The following INPP4B variants were observed in gnomAD, a reference collection of about 807,000 sequenced individuals.
INPP4B encodes the protein inositol polyphosphate 4-phosphatase type II.
Under a neutral mutation model 122.5 loss-of-function variants are expected in INPP4B, and 55 were observed. The observed-to-expected ratio is 0.45, with a 90% CI of 0.36 to 0.56. INPP4B has a LOEUF of 0.56. INPP4B is among the 20% of genes least tolerant of loss of function. The probability of loss-of-function intolerance (pLI) is 0.00; values close to 1 mark genes in which losing one functional copy is unlikely to be tolerated. For missense variants in INPP4B, 1,000 were observed against 1,097.7 expected (o/e 0.91, Z 1.26); for synonymous variants, 403 against 388.7 (o/e 1.04, Z -0.43).
chr4:142,398,401 A>AAAAAAAAT (rs1800278058), intron 7 of INPP4B, among the ~76,000 whole-genome samples: 1 of 28,498 alleles, frequency 3.5e-5, no homozygotes, highest in Non-Finnish European at 6.4e-5. Context: ...AAAAAAAAAA[A>AAAAAAAAT]ATATATATAT....
intron 2 of INPP4B, among the ~76,000 whole-genome samples, chr4:142,683,437 G>A (rs1758916619): frequency 6.6e-6 from 1 of 151,820 alleles, no homozygotes; most frequent in Non-Finnish European, 1.5e-5. Flanking sequence ...GGAAACAGAT[G>A]CAGCACAGAG....
intron 25 of INPP4B, among the ~76,000 whole-genome samples, chr4:142,045,259 T>C (rs538007795): frequency 6.6e-6 from 1 of 152,260 alleles, no homozygotes; most frequent in East Asian, 1.9e-4. Flanking sequence ...AATGAACATA[T>C]ACACAAACAA....
chr4:142,665,591 T>C (rs574417327), intron 2 of INPP4B, among the ~76,000 whole-genome samples: 21 of 151,894 alleles, frequency 1.4e-4, no homozygotes, highest in Non-Finnish European at 2.1e-4. Flanking sequence ...TACAAGGTCA[T>C]TCACTGCAGT....
rs374104385 is a variant in INPP4B at position 142,052,117 on chromosome 4, TA to T, written c.2643-23204del. Among the ~76,000 whole-genome samples, 29 of 152,102 alleles carry T rather than the reference TA, an allele frequency of 1.9e-4. No individual in the cohort carries two copies. The East Asian group carries it at 4.5e-3, about 23-fold the overall frequency. On this transcript the variant is annotated intron_variant, in intron 25 of 25. Coordinates refer to ENST00000262992, the MANE Select transcript of INPP4B (RefSeq NM_001101669.3). ...CACTCAGGTCTTTTTTGATCAAGAA[TA>T]AACTATTTTTATCAGACTACCATTA... is the stretch of plus-strand genomic sequence containing the variant.
intron 10 of INPP4B, among the ~76,000 whole-genome samples, chr4:142,265,195 T>G (rs1158731875): frequency 6.6e-6 from 1 of 152,222 alleles, no homozygotes; most frequent in Non-Finnish European, 1.5e-5. Context: ...GTTTATGGTA[T>G]TTTGTCATGA....
At chr4:142,725,922 G>A (rs1421864181) in intron 1 of INPP4B, 21 bp from the exon 2 acceptor site, 11 of 397,608 alleles carry the variant, frequency 2.8e-5, no homozygotes, top group Non-Finnish European at 4.4e-6. Context: ...AGAGAAAGAA[G>A]ATTAATAAAA....
At chr4:142,782,297 A>G (rs1337540520) in intron 1 of INPP4B, among the ~76,000 whole-genome samples, 1 of 150,734 alleles carries the variant, frequency 6.6e-6, no homozygotes, top group Non-Finnish European at 1.5e-5. Flanking sequence ...CCATGTCCCT[A>G]CAAAGGACAT....
intron 2 of INPP4B, among the ~76,000 whole-genome samples, chr4:142,605,961 C>T (rs1741156981): frequency 6.6e-6 from 1 of 152,020 alleles, no homozygotes; most frequent in Admixed American, 6.6e-5. Context: ...TATTGCAGTA[C>T]TATTCAGAAT....
chr4:142,321,220 T>C (rs1769871271), intron 7 of INPP4B, among the ~76,000 whole-genome samples: 1 of 152,216 alleles, frequency 6.6e-6, no homozygotes, highest in South Asian at 2.1e-4. Context: ...TGATAATTAG[T>C]GATGTTGAGC....
At chr4:142,619,375 G>A (rs967171185) in intron 2 of INPP4B, among the ~76,000 whole-genome samples, 1 of 151,878 alleles carries the variant, frequency 6.6e-6, no homozygotes, top group African/African-American at 2.4e-5. Context: ...AGAAAATATG[G>A]TATATACATA....
intron 1 of INPP4B, among the ~76,000 whole-genome samples, chr4:142,774,458 C>T (rs1341329635): frequency 1.3e-5 from 2 of 150,280 alleles, no homozygotes; most frequent in African/African-American, 2.4e-5. Context: ...AAATCTGCTC[C>T]CATGGAACTT....
chr4:142,465,517 T>C (rs114218642), intron 2 of INPP4B, among the ~76,000 whole-genome samples: 3,995 of 152,342 alleles, frequency 0.026, 207 homozygotes, highest in African/African-American at 0.091. Flanking sequence ...TTGAACATTA[T>C]TGTTTAGAAT....
At chr4:142,331,149 G>T (rs1774323239) in intron 7 of INPP4B, among the ~76,000 whole-genome samples, 1 of 152,170 alleles carries the variant, frequency 6.6e-6, no homozygotes, top group Non-Finnish European at 1.5e-5. Flanking sequence ...AAGAAGAGTG[G>T]TGTGCAGATA....
chr4:142,039,825 G>A (rs1214365695), intron 25 of INPP4B, among the ~76,000 whole-genome samples: 1 of 151,996 alleles, frequency 6.6e-6, no homozygotes, highest in Non-Finnish European at 1.5e-5. Context: ...GCTAATATGT[G>A]ATATGATCAC....
chr4:142,065,335 T>C (rs1762977860), intron 25 of INPP4B, among the ~76,000 whole-genome samples: 1 of 152,102 alleles, frequency 6.6e-6, no homozygotes, highest in Admixed American at 6.6e-5. Context: ...GGCCCTGAGC[T>C]TTTTAGTAGT....
intron 2 of INPP4B, among the ~76,000 whole-genome samples, chr4:142,651,282 A>T (rs532589761): frequency 6.6e-6 from 1 of 152,216 alleles, no homozygotes; most frequent in African/African-American, 2.4e-5. Flanking sequence ...AAGATCTAAA[A>T]TTGACAGCTA....
Position 142,811,696 on chromosome 4 carries a change from A to G in INPP4B, c.-254+34513T>C, listed in dbSNP as rs116383263. Among the ~76,000 whole-genome samples the G allele has an allele frequency of 8.2e-3, 1,243 of 152,236 alleles. 19 individuals carry two copies. Among genetic ancestry groups the G allele is most frequent in the African/African-American group, 0.029 (1,202 of 41,546 alleles). On this transcript the variant is annotated intron_variant, in intron 1 of 25. Coordinates refer to ENST00000262992, the MANE Select transcript of INPP4B (RefSeq NM_001101669.3). ...AGTTAGATTAGAAAATAAAATAATTATGTTTAAAATTTTGCGTGTACATTG... is the reference window on the plus strand; with the variant it reads ...AGTTAGATTAGAAAATAAAATAATTGTGTTTAAAATTTTGCGTGTACATTG...
chr4:142,337,266 G>A (rs1776971406), intron 7 of INPP4B, among the ~76,000 whole-genome samples: 1 of 151,958 alleles, frequency 6.6e-6, no homozygotes, highest in Non-Finnish European at 1.5e-5. Flanking sequence ...GTGAACTGCT[G>A]CTATGAAATT....
At chr4:142,097,436 T>C (rs922117135) in intron 23 of INPP4B, among the ~76,000 whole-genome samples, 1 of 151,938 alleles carries the variant, frequency 6.6e-6, no homozygotes, top group Non-Finnish European at 1.5e-5. Context: ...TTGTATTTTT[T>C]AGTAGAGAGA....
Sources: gnomAD v4.1 joint callset for allele counts (sites outside exome capture counted in the v4.1 genomes callset) on GRCh38, gnomAD v4.1.1 for gene constraint, MANE v1.5 for transcripts, NCBI Gene and HGNC (gene_info 2026-07-23, HGNC 2026-07-21) for gene names.